Variants in SLC6A11 observed in about 807,000 individuals in gnomAD.
SLC6A11 encodes the protein solute carrier family 6 member 11, also known as sodium- and chloride-dependent GABA transporter 3.
In SLC6A11, 25 loss-of-function variants were observed where a neutral mutation model predicts 74.8. The ratio of observed to expected loss-of-function variants is 0.33; its 90% CI spans 0.24 to 0.47. The LOEUF (loss-of-function observed/expected upper bound fraction) is 0.47. SLC6A11 is among the 20% of genes least tolerant of loss of function. The probability of loss-of-function intolerance (pLI) is 1.00; values close to 1 mark genes in which losing one functional copy is unlikely to be tolerated. For missense variants in SLC6A11, 574 were observed against 837.0 expected (o/e 0.69, Z 3.88); for synonymous variants, 330 against 330.2 (o/e 1.00, Z 0.01).
At position 10,885,924 on chromosome 3, in the gene SLC6A11, C is replaced by A. The variant is rs145240235; in HGVS notation, c.891+10829C>A. Among the ~76,000 whole-genome samples, 8 of 152,292 alleles carry A rather than the reference C, an allele frequency of 5.3e-5. No homozygotes were observed. In the East Asian group the frequency reaches 1.5e-3, roughly 29 times the overall value. On this transcript the variant is annotated intron_variant, in intron 6 of 13. Coordinates refer to ENST00000254488, the MANE Select transcript of SLC6A11 (RefSeq NM_014229.3). ...GAGCCTCCACATGGACTTCTGGGTC[C>A]CCTCTGTGCACAGCTCCCTTTCCAG...
At chr3:10,883,092 G>A (rs1004925700) in intron 6 of SLC6A11, among the ~76,000 whole-genome samples, 3 of 152,186 alleles carry the variant, frequency 2.0e-5, no homozygotes, top group Admixed American at 6.5e-5. Context: ...ACTTGGAACC[G>A]AGGACCTTTA....
intron 6 of SLC6A11, among the ~76,000 whole-genome samples, chr3:10,893,863 G>A (rs1044046638): frequency 1.3e-5 from 2 of 152,132 alleles, no homozygotes; most frequent in Non-Finnish European, 2.9e-5. Flanking sequence ...GTAGACATCA[G>A]TACACTTCAG....
At chr3:10,828,772 A>ACCCCATCACTCTTTCTTAATG (rs1334878453) in intron 4 of SLC6A11, among the ~76,000 whole-genome samples, 1 of 151,818 alleles carries the variant, frequency 6.6e-6, no homozygotes, top group African/African-American at 2.4e-5. Flanking sequence ...GTCCCTCTCA[A>ACCCCATCACTCTTTCTTAATG]CCCCATCACT....
intron 6 of SLC6A11, among the ~76,000 whole-genome samples, chr3:10,893,861 C>T (rs1425966310): frequency 6.6e-6 from 1 of 152,280 alleles, no homozygotes; most frequent in East Asian, 1.9e-4. Flanking sequence ...TTGTAGACAT[C>T]AGTACACTTC....
At chr3:10,937,057 G>T (rs566120227) in intron 13 of SLC6A11, among the ~76,000 whole-genome samples, 1 of 152,250 alleles carries the variant, frequency 6.6e-6, no homozygotes, top group South Asian at 2.1e-4. Flanking sequence ...GCTGGGGGAC[G>T]GGAAGGATCT....
At chr3:10,924,277 G>A (rs1695573310) in intron 8 of SLC6A11, among the ~76,000 whole-genome samples, 1 of 152,308 alleles carries the variant, frequency 6.6e-6, no homozygotes, top group Non-Finnish European at 1.5e-5. Flanking sequence ...GATGTATGCT[G>A]TCTCTGCCTC....
chr3:10,935,168 C>T lies in SLC6A11; in HGVS notation c.1715C>T (p.Thr572Ile), dbSNP rs115381948. 619 of 1,614,232 alleles carry T rather than the reference C, an allele frequency of 3.8e-4. 2 individuals carry two copies. In the African/African-American group the frequency reaches 7.3e-3, roughly 19 times the overall value. The stretch of plus-strand genomic sequence containing the variant: ...TGCATCCCGCTCTGGATCTGCATCA[C>T]AGTGTGGAAGACGGAGGGGACACTG... ...MLCIPLWICI[T>I]VWKTEGTLPE... Residue 572 changes from threonine to isoleucine, a missense_variant, in exon 13 of 14, where the codon ACA becomes ATA. Coordinates refer to ENST00000254488, the MANE Select transcript of SLC6A11 (RefSeq NM_014229.3).
chr3:10,834,883 C>A (rs1038598437), intron 4 of SLC6A11, among the ~76,000 whole-genome samples: 1 of 152,214 alleles, frequency 6.6e-6, no homozygotes, highest in Non-Finnish European at 1.5e-5. Context: ...TAGCTCCTCA[C>A]AATCCATTCC....
At chr3:10,839,599 G>A (rs759850346) in intron 4 of SLC6A11, among the ~76,000 whole-genome samples, 1 of 152,182 alleles carries the variant, frequency 6.6e-6, no homozygotes, top group Non-Finnish European at 1.5e-5. Context: ...TGGGGGCTTG[G>A]TCGCAGGCCC....
At chr3:10,854,419 A>G (rs1384405582) in intron 5 of SLC6A11, among the ~76,000 whole-genome samples, 1 of 152,296 alleles carries the variant, frequency 6.6e-6, no homozygotes, top group Non-Finnish European at 1.5e-5. Context: ...AAATAAAAAG[A>G]CAGAATTGTC....
At chr3:10,886,206 G>A (rs1362884153) in intron 6 of SLC6A11, among the ~76,000 whole-genome samples, 1 of 152,202 alleles carries the variant, frequency 6.6e-6, no homozygotes, top group African/African-American at 2.4e-5. Flanking sequence ...ATGGCAGGAG[G>A]GCTGGGCTGA....
intron 7 of SLC6A11, among the ~76,000 whole-genome samples, chr3:10,914,985 G>T (rs762683607): frequency 6.6e-6 from 1 of 152,124 alleles, no homozygotes; most frequent in African/African-American, 2.4e-5. Flanking sequence ...TGCATCTCTT[G>T]TACTTAGTTT....
intron 4 of SLC6A11, among the ~76,000 whole-genome samples, chr3:10,830,693 G>C (rs1330395288): frequency 6.6e-6 from 1 of 152,176 alleles, no homozygotes; most frequent in Non-Finnish European, 1.5e-5. Flanking sequence ...AGGAGCTACA[G>C]GGCCGAGGGA....
intron 6 of SLC6A11, among the ~76,000 whole-genome samples, chr3:10,879,232 T>A (rs1170573183): frequency 6.6e-6 from 1 of 152,166 alleles, no homozygotes; most frequent in Non-Finnish European, 1.5e-5. Context: ...CTAGGAAGTG[T>A]GTATGTGTGT....
At chr3:10,836,211 G>T (rs1694365026) in intron 4 of SLC6A11, among the ~76,000 whole-genome samples, 1 of 152,144 alleles carries the variant, frequency 6.6e-6, no homozygotes, top group Non-Finnish European at 1.5e-5. Context: ...TGCTTTTGTA[G>T]CTGTATAAAA....
chr3:10,899,138 G>C (rs954328609), intron 6 of SLC6A11, among the ~76,000 whole-genome samples: 3 of 152,146 alleles, frequency 2.0e-5, no homozygotes, highest in African/African-American at 7.2e-5. Context: ...GGGAATTGTG[G>C]GAGTACAATT....
chr3:10,873,708 C>G (rs918620398), intron 5 of SLC6A11, among the ~76,000 whole-genome samples: 49 of 148,966 alleles, frequency 3.3e-4, no homozygotes, highest in African/African-American at 1.2e-3. Flanking sequence ...CTATCCTATC[C>G]TATCCTATCC....
chr3:10,858,086 C>G (rs1694659504), intron 5 of SLC6A11, among the ~76,000 whole-genome samples: 1 of 152,100 alleles, frequency 6.6e-6, no homozygotes, highest in Admixed American at 6.5e-5. Context: ...ATAGAATCAC[C>G]ACGAATGCAA....
chr3:10,875,015 C>A lies in SLC6A11; in HGVS notation c.811C>A (p.Arg271=), dbSNP rs148718063. The change falls in exon 6 of 14, where the codon CGA becomes AGA. Residue 271 remains arginine, a synonymous_variant. Transcript: ENST00000254488. ...PYIMLLILLI[R]GVTLPGASEG... ...CATCATGCTGCTGATCCTCCTGATA[C>A]GAGGGGTCACGTTGCCCGGGGCCTC... The A allele has an allele frequency of 4.7e-4, 754 of 1,613,706 alleles. No individual in the cohort carries two copies. Among genetic ancestry groups the A allele is most frequent in the Non-Finnish European group, 5.8e-4 (686 of 1,179,746 alleles).
Sources: gnomAD v4.1 joint callset for allele counts (sites outside exome capture counted in the v4.1 genomes callset) on GRCh38, gnomAD v4.1.1 for gene constraint, MANE v1.5 for transcripts, NCBI Gene and HGNC (gene_info 2026-07-23, HGNC 2026-07-21) for gene names.